COL5A2: variants seen among roughly 807,000 people sequenced by gnomAD.
The protein encoded by COL5A2 is collagen alpha-2(V) chain.
In COL5A2, 23 loss-of-function variants were observed where a neutral mutation model predicts 208.2. The ratio of observed to expected loss-of-function variants is 0.11; its 90% CI spans 0.08 to 0.16. The LOEUF is 0.16. Among genes scored for constraint, COL5A2 ranks in the 10% least tolerant of loss-of-function variants. The probability of loss-of-function intolerance (pLI) is 1.00; values close to 1 mark genes in which losing one functional copy is unlikely to be tolerated. For synonymous variants in COL5A2, 625 were observed against 628.5 expected, an observed-to-expected ratio of 0.99 and a Z score of 0.08; for missense variants, 1,590 against 1,956.4, an observed-to-expected ratio of 0.81 and a Z score of 3.53.
chr2:189,063,116 C>A, intron 27 of COL5A2, 53 bp from the exon 28 acceptor site: 1 of 1,610,658 alleles, frequency 6.2e-7, no homozygotes, highest in Non-Finnish European at 8.5e-7. Flanking sequence ...CAAAAACATA[C>A]CTCCTCCAAA....
upstream of COL5A2, among the ~76,000 whole-genome samples, chr2:189,183,719 A>G (rs1006885936): frequency 6.6e-6 from 1 of 152,114 alleles, no homozygotes; most frequent in African/African-American, 2.4e-5. Context: ...CTTTCATTCA[A>G]TTACCCCTCT....
At chr2:189,185,985 A>T (rs1286832702) in intron 1 of COL5A2, among the ~76,000 whole-genome samples, 1 of 152,060 alleles carries the variant, frequency 6.6e-6, no homozygotes, top group Non-Finnish European at 1.5e-5. Flanking sequence ...CTGTGCACAT[A>T]TATGCTTTGA....
At chr2:189,311,432 T>G in the COL5A2 span, 18 of 1,139,170 alleles carry the variant, frequency 1.6e-5, no homozygotes, top group East Asian at 4.3e-4. Context: ...GATCTCAGCC[T>G]CCAGCTTGAC....
At chr2:189,154,294 C>A (rs543636472) in intron 1 of COL5A2, among the ~76,000 whole-genome samples, 1 of 152,278 alleles carries the variant, frequency 6.6e-6, no homozygotes, top group East Asian at 1.9e-4. Context: ...AGCAGTAACA[C>A]CAACAAAACT....
intron 1 of COL5A2, among the ~76,000 whole-genome samples, chr2:189,189,495 G>A (rs1368438658): frequency 1.3e-5 from 2 of 152,084 alleles, no homozygotes; most frequent in African/African-American, 4.8e-5. Flanking sequence ...ACCAGCCTGA[G>A]CAACATAATG....
the COL5A2 span, among the ~76,000 whole-genome samples, chr2:189,276,705 T>C: frequency 2.0e-5 from 3 of 152,186 alleles, no homozygotes. Context: ...AATATTTCTA[T>C]ATTGTTTCTG....
intron 32 of COL5A2, 86 bp from the exon 33 acceptor site, chr2:189,058,613 G>T: frequency 8.3e-7 from 1 of 1,209,438 alleles, no homozygotes; most frequent in Non-Finnish European, 1.2e-6. Context: ...TTCTACTGCG[G>T]AAAAATTCAG....
At chr2:189,066,120 G>A (rs1489314925) in intron 23 of COL5A2, among the ~76,000 whole-genome samples, 1 of 152,164 alleles carries the variant, frequency 6.6e-6, no homozygotes, top group Admixed American at 6.5e-5. Context: ...GTCTCCACAT[G>A]AGGACTAGGA....
chr2:189,161,903 T>C (rs1490813015), intron 1 of COL5A2, among the ~76,000 whole-genome samples: 1 of 152,228 alleles, frequency 6.6e-6, no homozygotes, highest in Non-Finnish European at 1.5e-5. Context: ...AGAAAAAATA[T>C]GTCTATGATG....
At chr2:189,096,002 A>C (rs774130955) in intron 6 of COL5A2, 6 of 152,170 alleles carry the variant, frequency 3.9e-5, no homozygotes, top group Non-Finnish European at 7.3e-5. Context: ...CCTGCAAGTA[A>C]CATCCATAGT....
Position 189,060,903 on chromosome 2 carries a change from T to C in COL5A2, c.2032-120A>G, listed in dbSNP as rs79266587. On this transcript the variant is annotated intron_variant, in intron 30 of 53. Transcript: ENST00000374866. ...CAAGACTATATTTTCAATGAAAATA[T>C]ATTGTTCAGACATTTTAAGTAAAAA... 1,925 of 724,570 alleles carry C rather than the reference T, an allele frequency of 2.7e-3. 7 individuals are homozygous for C. Among genetic ancestry groups the C allele is most frequent in the Non-Finnish European group, 4.3e-3 (1,741 of 408,290 alleles). 44.9% of individuals were successfully genotyped at this position (724,570 alleles called of 1,614,324 possible). A position where few individuals can be genotyped will look rare whatever the true frequency, so the allele number is the denominator to read the frequency against.
the COL5A2 span, among the ~76,000 whole-genome samples, chr2:189,322,957 A>G: frequency 6.6e-6 from 1 of 151,592 alleles, no homozygotes; most frequent in East Asian, 1.9e-4. Context: ...CCAGCAGCAC[A>G]AAAAGCTTAT....
At chr2:189,260,760 G>A in the COL5A2 span, among the ~76,000 whole-genome samples, 10 of 152,272 alleles carry the variant, frequency 6.6e-5, 1 homozygote, top group South Asian at 2.1e-3. Flanking sequence ...ATATGTAAAA[G>A]GGAAATTACA....
intron 18 of COL5A2, among the ~76,000 whole-genome samples, chr2:189,069,439 A>C (rs749864300): frequency 6.6e-6 from 1 of 152,160 alleles, no homozygotes; most frequent in Non-Finnish European, 1.5e-5. Flanking sequence ...TTTCTGTATA[A>C]ACAGTGTATA....
At chr2:189,354,631 T>C in the COL5A2 span, among the ~76,000 whole-genome samples, 1 of 151,710 alleles carries the variant, frequency 6.6e-6, no homozygotes, top group Non-Finnish European at 1.5e-5. Flanking sequence ...GATAGCCCCT[T>C]TATCATTTTT....
chr2:189,229,960 G>A (rs544903766), upstream of COL5A2, among the ~76,000 whole-genome samples: 1 of 151,712 alleles, frequency 6.6e-6, no homozygotes, highest in Non-Finnish European at 1.5e-5. Context: ...ATAATCAATA[G>A]AGTATGGTAC....
At chr2:189,330,492 T>C in the COL5A2 span, among the ~76,000 whole-genome samples, 1 of 152,162 alleles carries the variant, frequency 6.6e-6, no homozygotes, top group Non-Finnish European at 1.5e-5. Flanking sequence ...AATATATATC[T>C]ATCTTCTGAG....
the COL5A2 span, among the ~76,000 whole-genome samples, chr2:189,328,927 TGTTGGGAA>T: frequency 6.6e-6 from 1 of 152,198 alleles, no homozygotes; most frequent in South Asian, 2.1e-4. Flanking sequence ...CATTAATTAA[TGTTGGGAA>T]GTCAAAAAAA....
chr2:189,218,241 A>C (rs745330346), intron 1 of COL5A2, among the ~76,000 whole-genome samples: 1 of 152,128 alleles, frequency 6.6e-6, no homozygotes, highest in Non-Finnish European at 1.5e-5. Context: ...TCAGAATGTG[A>C]CCTTATTTAG....
Sources: gnomAD v4.1 joint callset for allele counts (sites outside exome capture counted in the v4.1 genomes callset) on GRCh38, gnomAD v4.1.1 for gene constraint, MANE v1.5 for transcripts, NCBI Gene and HGNC (gene_info 2026-07-23, HGNC 2026-07-21) for gene names.